KIF5C: variants seen among roughly 807,000 people sequenced by gnomAD.
The protein encoded by KIF5C is kinesin family member 5C, also known as kinesin heavy chain isoform 5C.
Under a neutral mutation model 125.2 loss-of-function variants are expected in KIF5C, and 18 were observed. The ratio of observed to expected loss-of-function variants is 0.14; its 90% CI spans 0.10 to 0.21. The LOEUF (loss-of-function observed/expected upper bound fraction) is 0.21. Among genes scored for constraint, KIF5C ranks in the 10% least tolerant of loss-of-function variants. The pLI, the probability that KIF5C is intolerant of heterozygous loss-of-function variation, is 1.00. For synonymous variants in KIF5C, 405 were observed against 434.0 expected (o/e 0.93, Z 0.83); for missense variants, 780 against 1,183.8 (o/e 0.66, Z 5.01).
At position 148,973,317 on chromosome 2, in the gene KIF5C, G is replaced by C; in HGVS notation, c.1118-19G>C. ...CTCAATTTCTTTAATCCCCAACTCT[G>C]CTCGGCTATGTTTTGCAGGAGAAGC... is the stretch of plus-strand genomic sequence containing the variant. On this transcript the variant is annotated intron_variant, in intron 11 of 25. Transcript: ENST00000435030. 6.2e-7 allele frequency: 1 copy of C among 1,603,126 alleles called. No individual in the cohort carries two copies. Among genetic ancestry groups the C allele is most frequent in the Non-Finnish European group, 8.5e-7 (1 of 1,176,094 alleles).
intron 1 of KIF5C, among the ~76,000 whole-genome samples, chr2:148,919,806 AAAATATT>A: frequency 6.6e-6 from 1 of 152,240 alleles, no homozygotes; most frequent in Non-Finnish European, 1.5e-5. Flanking sequence ...AGGACACATA[AAAATATT>A]TACATTTTTA....
intron 4 of KIF5C, among the ~76,000 whole-genome samples, chr2:148,939,181 T>A (rs1486463567): frequency 6.6e-6 from 1 of 152,192 alleles, no homozygotes; most frequent in African/African-American, 2.4e-5. Flanking sequence ...ACCCTAGGTC[T>A]GACCAACCGC....
chr2:149,012,196 T>C (rs1682228437), intron 25 of KIF5C, among the ~76,000 whole-genome samples: 2 of 152,170 alleles, frequency 1.3e-5, no homozygotes, highest in African/African-American at 4.8e-5. Context: ...TTCTTTGAGA[T>C]GGTGGTCTGC....
In KIF5C at chr2:148,941,594, A is replaced by AT. The variant is rs1420412509; in HGVS notation, c.397-13dup. 1.3e-6 allele frequency: 2 copies of AT among 1,554,914 alleles called. No individual in the cohort carries two copies. The highest frequency in any genetic ancestry group is 2.7e-5 in the African/African-American group (2 of 73,444). On this transcript the variant is annotated splice_polypyrimidine_tract_variant and intron_variant, in intron 4 of 25. Coordinates refer to ENST00000435030, the MANE Select transcript of KIF5C (RefSeq NM_004522.3). ...CTGCGGCATGTCTATTCCAAGCTCAATTTGTTTTTAACTAGGTTTCCTATT... is the reference window on the plus strand; with the variant it reads ...CTGCGGCATGTCTATTCCAAGCTCAATTTTGTTTTTAACTAGGTTTCCTATT...
At chr2:148,956,632 T>A (rs552184343) in intron 10 of KIF5C, among the ~76,000 whole-genome samples, 18 of 152,208 alleles carry the variant, frequency 1.2e-4, no homozygotes, top group Non-Finnish European at 1.9e-4. Context: ...CAAAACAGAT[T>A]CCCTGATAAT....
chr2:148,893,303 G>C (rs1681757809), intron 1 of KIF5C, among the ~76,000 whole-genome samples: 1 of 152,132 alleles, frequency 6.6e-6, no homozygotes, highest in African/African-American at 2.4e-5. Flanking sequence ...CCAATTCTCT[G>C]CTCAAAAACA....
chr2:148,936,568 G>T (rs540985886), intron 3 of KIF5C, among the ~76,000 whole-genome samples: 74 of 152,200 alleles, frequency 4.9e-4, no homozygotes, highest in African/African-American at 1.7e-3. Context: ...AATGGATTTG[G>T]TAATATCCAA....
At chr2:148,998,599 G>A in intron 19 of KIF5C, 90 bp downstream of exon 19, 1 of 1,526,078 alleles carries the variant, frequency 6.6e-7, no homozygotes, top group Non-Finnish European at 8.8e-7. Flanking sequence ...TTAGTCGAGG[G>A]CCCTGCTCAC....
intron 1 of KIF5C, 60 bp from the exon 2 acceptor site, chr2:148,922,077 A>G (rs1307090246): frequency 2.5e-6 from 3 of 1,194,750 alleles, no homozygotes; most frequent in Non-Finnish European, 3.6e-6. Flanking sequence ...GCGATTTTTT[A>G]TTCCTAAACA....
At chr2:148,986,109 C>A (rs922561891) in intron 15 of KIF5C, among the ~76,000 whole-genome samples, 7 of 152,068 alleles carry the variant, frequency 4.6e-5, no homozygotes, top group Non-Finnish European at 7.4e-5. Flanking sequence ...ATGCTTGCTG[C>A]TGATAACGAT....
At chr2:148,989,748 C>A (rs182571235) in intron 15 of KIF5C, among the ~76,000 whole-genome samples, 1 of 152,060 alleles carries the variant, frequency 6.6e-6, no homozygotes, top group Non-Finnish European at 1.5e-5. Context: ...TGATGTTGAG[C>A]CTTTTCTATA....
At chr2:148,911,358 CA>C (rs149449909) in intron 1 of KIF5C, among the ~76,000 whole-genome samples, 2 of 152,208 alleles carry the variant, frequency 1.3e-5, no homozygotes, top group Admixed American at 6.5e-5. Context: ...ATGCAGCATC[CA>C]GGGGGGCTGC....
At chr2:148,913,606 C>G (rs1681427796) in intron 1 of KIF5C, among the ~76,000 whole-genome samples, 1 of 152,192 alleles carries the variant, frequency 6.6e-6, no homozygotes, top group African/African-American at 2.4e-5. Flanking sequence ...GATTTTTTAA[C>G]TAAAGGGAAG....
chr2:148,939,672 T>C (rs1005326143), intron 4 of KIF5C, among the ~76,000 whole-genome samples: 1 of 152,236 alleles, frequency 6.6e-6, no homozygotes, highest in Non-Finnish European at 1.5e-5. Context: ...TGCTTACTTG[T>C]TTTATAAATA....
intron 8 of KIF5C, among the ~76,000 whole-genome samples, chr2:148,948,982 C>T (rs1476590778): frequency 6.6e-6 from 1 of 152,174 alleles, no homozygotes; most frequent in Non-Finnish European, 1.5e-5. Context: ...TCATTTCTGT[C>T]ATCAGGAGTT....
At position 149,024,366 on chromosome 2, in the gene KIF5C, A is replaced by T. The variant is rs1409866028; in HGVS notation, c.*1296A>T. 6.6e-6 allele frequency: 1 copy of T among 152,206 alleles called. No homozygotes were observed. Among genetic ancestry groups the T allele is most frequent in the Non-Finnish European group, 1.5e-5 (1 of 67,918 alleles). The allele number at this position is 152,206 out of a possible 1,614,324, so 9.4% of individuals were successfully genotyped here. ...GGGGTAAGTCAATGACAACCAAACC[A>T]ATCTCGGTGGAAACTCCTATCCTAT... On this transcript the variant is annotated 3_prime_UTR_variant, in exon 26 of 26. Coordinates refer to ENST00000435030, the MANE Select transcript of KIF5C (RefSeq NM_004522.3).
chr2:148,901,513 CT>C (rs1680901799), intron 1 of KIF5C, among the ~76,000 whole-genome samples: 1 of 152,096 alleles, frequency 6.6e-6, no homozygotes, highest in African/African-American at 2.4e-5. Context: ...GGTATTTGAA[CT>C]ATATGAACAT....
At chr2:148,968,931 C>T (rs894997534) in intron 11 of KIF5C, among the ~76,000 whole-genome samples, 5 of 152,246 alleles carry the variant, frequency 3.3e-5, no homozygotes, top group South Asian at 4.1e-4. Context: ...GAAAGCACCT[C>T]GTTTGCCAGA....
At chr2:148,896,409 G>T (rs1681845510) in intron 1 of KIF5C, among the ~76,000 whole-genome samples, 1 of 152,176 alleles carries the variant, frequency 6.6e-6, no homozygotes. Context: ...AAGATGCTTG[G>T]ATATCCAGCT....
Sources: gnomAD v4.1 joint callset for allele counts (sites outside exome capture counted in the v4.1 genomes callset) on GRCh38, gnomAD v4.1.1 for gene constraint, MANE v1.5 for transcripts, NCBI Gene and HGNC (gene_info 2026-07-23, HGNC 2026-07-21) for gene names.